Variants in IAPP observed in about 807,000 individuals in gnomAD.
IAPP encodes the protein Islet amyloid polypeptide (diabetes-associated peptide; amylin).
Under a neutral mutation model 2.9 loss-of-function variants are expected in IAPP, and 4 were observed. That is an observed-to-expected ratio of 1.39 (90% CI 0.69 to 3.19). The LOEUF (loss-of-function observed/expected upper bound fraction) is 3.19. Ranked by LOEUF, IAPP falls within the 30% of genes most tolerant of loss-of-function variation. The pLI is 0.01. For missense variants in IAPP, 114 were observed against 105.3 expected, an observed-to-expected ratio of 1.08 and a Z score of -0.36; for synonymous variants, 40 against 42.1, an observed-to-expected ratio of 0.95 and a Z score of 0.19.
Position 21,379,357 on chromosome 12 carries a change from T to C in IAPP, c.*931T>C, listed in dbSNP as rs547477535. 2.6e-5 allele frequency: 4 copies of C among 152,342 alleles called. No individual in the cohort carries two copies. In the East Asian group the frequency reaches 7.7e-4, roughly 29 times the overall value. The allele number at this position is 152,342 out of a possible 1,614,324, so 9.4% of individuals were successfully genotyped here. A position where few individuals can be genotyped will look rare whatever the true frequency, so the allele number is the denominator to read the frequency against. On this transcript the variant is annotated 3_prime_UTR_variant, in exon 3 of 3. Transcript: ENST00000240652. ...TTAGCAGCAGTGAGCTTCTATTAAA[T>C]GTATATGTCATTTATTTTGTTTAAG...
intron 1 of IAPP, among the ~76,000 whole-genome samples, chr12:21,364,988 T>C (rs1412423463): frequency 1.3e-5 from 2 of 152,162 alleles, no homozygotes; most frequent in African/African-American, 2.4e-5. Flanking sequence ...AATTTATAGA[T>C]TCAATGCCAT....
chr12:21,379,452 T>C lies in IAPP; in HGVS notation c.*1026T>C, dbSNP rs1036292956. The C allele has an allele frequency of 3.9e-5, 6 of 152,248 alleles. No homozygotes were observed. Among genetic ancestry groups the C allele is most frequent in the African/African-American group, 1.4e-4 (6 of 41,472 alleles). The allele number at this position is 152,248 out of a possible 1,614,324, so 9.4% of individuals were successfully genotyped here. On this transcript the variant is annotated 3_prime_UTR_variant, in exon 3 of 3. Coordinates refer to ENST00000240652, the MANE Select transcript of IAPP (RefSeq NM_000415.3). ...GAAACAACTTGTGTTCTATTAATCGTGTCTTCAATTAAAAGACCACAGACT... is the reference window on the plus strand; with the variant it reads ...GAAACAACTTGTGTTCTATTAATCGCGTCTTCAATTAAAAGACCACAGACT...
chr12:21,358,412 T>G (rs1003333194), intron 1 of IAPP, among the ~76,000 whole-genome samples: 2 of 152,218 alleles, frequency 1.3e-5, no homozygotes, highest in Admixed American at 6.5e-5. Context: ...GCAATACTAC[T>G]TTTAAACTAT....
intron 1 of IAPP, among the ~76,000 whole-genome samples, chr12:21,357,323 G>A (rs571356747): frequency 6.6e-6 from 1 of 152,288 alleles, no homozygotes; most frequent in East Asian, 1.9e-4. Context: ...TGCCTCATGG[G>A]AATGAAGACA....
intron 2 of IAPP, among the ~76,000 whole-genome samples, chr12:21,377,103 T>C (rs1017321853): frequency 6.6e-6 from 1 of 152,182 alleles, no homozygotes; most frequent in Non-Finnish European, 1.5e-5. Flanking sequence ...TTATGATTTC[T>C]GAGTTTATAA....
upstream of IAPP, chr12:21,372,793 T>C (rs1320788209): frequency 1.3e-5 from 2 of 156,678 alleles, no homozygotes; most frequent in African/African-American, 4.8e-5. Context: ...GTGAGGTACT[T>C]TCTATCTATA....
intron 1 of IAPP, among the ~76,000 whole-genome samples, chr12:21,365,744 G>A (rs957268238): frequency 6.6e-6 from 1 of 152,112 alleles, no homozygotes; most frequent in African/African-American, 2.4e-5. Context: ...TGAAGGATAT[G>A]AACAGACACT....
At chr12:21,361,267 C>A (rs1348477153) in intron 1 of IAPP, among the ~76,000 whole-genome samples, 1 of 152,214 alleles carries the variant, frequency 6.6e-6, no homozygotes, top group Non-Finnish European at 1.5e-5. Flanking sequence ...GATACCCAGG[C>A]AAACAGGGTC....
intron 2 of IAPP, among the ~76,000 whole-genome samples, chr12:21,374,924 C>T (rs1356700661): frequency 3.9e-5 from 6 of 151,948 alleles, no homozygotes; most frequent in Non-Finnish European, 7.4e-5. Flanking sequence ...GGTGATCCTC[C>T]CACCTCAGCC....
At chr12:21,355,749 C>T (rs1938316624) in intron 1 of IAPP, among the ~76,000 whole-genome samples, 1 of 152,028 alleles carries the variant, frequency 6.6e-6, no homozygotes, top group Non-Finnish European at 1.5e-5. Context: ...ACTGAGAGTT[C>T]TCAGAAACAA....
intron 1 of IAPP, among the ~76,000 whole-genome samples, chr12:21,358,325 A>C (rs1238281904): frequency 6.6e-6 from 1 of 152,196 alleles, no homozygotes; most frequent in Non-Finnish European, 1.5e-5. Context: ...AGTGGAATGA[A>C]ATAGAAAAAG....
At chr12:21,357,014 A>G (rs1938420438) in intron 1 of IAPP, among the ~76,000 whole-genome samples, 1 of 152,186 alleles carries the variant, frequency 6.6e-6, no homozygotes, top group Admixed American at 6.5e-5. Context: ...ATAGTAAAAG[A>G]AATAATTTCA....
At chr12:21,363,635 T>C (rs943092556) in intron 1 of IAPP, among the ~76,000 whole-genome samples, 1 of 151,972 alleles carries the variant, frequency 6.6e-6, no homozygotes, top group African/African-American at 2.4e-5. Flanking sequence ...ATGAACAAAA[T>C]TGATAGACTG....
intron 2 of IAPP, among the ~76,000 whole-genome samples, chr12:21,377,822 G>A (rs554359085): frequency 1.3e-5 from 2 of 152,108 alleles, no homozygotes; most frequent in South Asian, 4.1e-4. Flanking sequence ...ATTCTTATTG[G>A]AAAGATGTAG....
intron 1 of IAPP, among the ~76,000 whole-genome samples, chr12:21,356,393 C>T (rs1244650881): frequency 5.3e-5 from 8 of 151,692 alleles, no homozygotes; most frequent in African/African-American, 1.9e-4. Context: ...CAAAACATAT[C>T]TCTATTATAT....
At position 21,378,477 on chromosome 12, in the gene IAPP, A is replaced by G. The variant is rs1213083589; in HGVS notation, c.*51A>G. The G allele has an allele frequency of 1.4e-6, 2 of 1,460,480 alleles. No individual in the cohort carries two copies. Among genetic ancestry groups the G allele is most frequent in the South Asian group, 2.3e-5 (2 of 87,866 alleles). The allele number at this position is 1,460,480 out of a possible 1,614,324, so 90.5% of individuals were successfully genotyped here. A position where few individuals can be genotyped will look rare whatever the true frequency, so the allele number is the denominator to read the frequency against. ...GTTTTATGTTCTAGTGATTTCCTGT[A>G]TAATTTAACAGTGCCCTTTTCATCT... is the stretch of plus-strand genomic sequence containing the variant. On this transcript the variant is annotated 3_prime_UTR_variant, in exon 3 of 3. Transcript: ENST00000240652.
intron 1 of IAPP, among the ~76,000 whole-genome samples, chr12:21,356,937 A>G (rs1938413424): frequency 6.6e-6 from 1 of 152,140 alleles, no homozygotes; most frequent in Non-Finnish European, 1.5e-5. Context: ...TAGATTATAT[A>G]CTAGATTACA....
intron 1 of IAPP, among the ~76,000 whole-genome samples, chr12:21,365,210 T>A (rs1393611766): frequency 6.6e-6 from 1 of 152,030 alleles, no homozygotes; most frequent in Non-Finnish European, 1.5e-5. Flanking sequence ...TATAGACCAA[T>A]GGAACAGAAT....
intron 1 of IAPP, among the ~76,000 whole-genome samples, chr12:21,361,532 G>C (rs917004553): frequency 2.0e-5 from 3 of 152,236 alleles, no homozygotes; most frequent in Non-Finnish European, 4.4e-5. Flanking sequence ...AAGCTGGACA[G>C]AGAATGACTT....
Sources: gnomAD v4.1 joint callset for allele counts (sites outside exome capture counted in the v4.1 genomes callset) on GRCh38, gnomAD v4.1.1 for gene constraint, MANE v1.5 for transcripts, NCBI Gene and HGNC (gene_info 2026-07-23, HGNC 2026-07-21) for gene names.